BABAM2: variants seen among roughly 807,000 people sequenced by gnomAD.
BABAM2 encodes the protein BRISC and BRCA1-A complex member 2.
A neutral mutation model predicts 54.7 loss-of-function variants in BABAM2; 31 were observed. That is an observed-to-expected ratio of 0.57 (90% confidence interval 0.43 to 0.77). The LOEUF (loss-of-function observed/expected upper bound fraction) is 0.77, where lower values mean the gene tolerates loss of function less well. Ranked by LOEUF, BABAM2 falls within the 30% of genes least tolerant of loss-of-function variation. BABAM2 has a pLI of 0.00. For synonymous variants in BABAM2, 167 were observed against 162.9 expected, an observed-to-expected ratio of 1.03 and a Z score of -0.19; for missense variants, 364 against 455.8, an observed-to-expected ratio of 0.80 and a Z score of 1.83.
At chr2:28,076,913 A>G (rs1207759987) in intron 6 of BABAM2, among the ~76,000 whole-genome samples, 1 of 152,178 alleles carries the variant, frequency 6.6e-6, no homozygotes, top group Non-Finnish European at 1.5e-5. Context: ...TGCCTTATTC[A>G]TCTGTATATC....
Position 28,325,698 on chromosome 2 carries a change from T to G in BABAM2, c.1089-12752T>G, listed in dbSNP as rs750747690. Among the ~76,000 whole-genome samples the G allele has an allele frequency of 5.3e-5, 8 of 152,128 alleles. No homozygotes were observed. The highest frequency in any genetic ancestry group is 1.0e-4 in the Non-Finnish European group (7 of 68,018). ...GTGAAGAGAGGAGGGACCATGGCCA[T>G]CTTGCTGCCCCTCCCCCACATCCTC... On this transcript the variant is annotated intron_variant, in intron 11 of 11. Coordinates refer to ENST00000379624, the MANE Select transcript of BABAM2 (RefSeq NM_199191.3). The surrounding 1 kb of genome is among the most constrained non-coding windows in gnomAD (Gnocchi z 4.3).
chr2:27,960,605 T>C (rs1343211472), intron 3 of BABAM2, among the ~76,000 whole-genome samples: 6 of 152,200 alleles, frequency 3.9e-5, no homozygotes. Context: ...TACAGTCATA[T>C]AACATTTCGT....
chr2:28,331,819 A>G (rs1690982146), intron 11 of BABAM2, among the ~76,000 whole-genome samples: 2 of 152,258 alleles, frequency 1.3e-5, no homozygotes, highest in East Asian at 3.8e-4. Flanking sequence ...ATTACTGGGC[A>G]TATACCCAAA....
chr2:28,105,192 A>G (rs944368369), intron 6 of BABAM2, among the ~76,000 whole-genome samples: 2 of 152,198 alleles, frequency 1.3e-5, no homozygotes, highest in African/African-American at 2.4e-5. Context: ...GTATAATAAA[A>G]CATAATAATA....
chr2:28,111,858 T>G (rs1262889892), intron 6 of BABAM2, among the ~76,000 whole-genome samples: 1 of 152,152 alleles, frequency 6.6e-6, no homozygotes, highest in Admixed American at 6.5e-5. Flanking sequence ...TGCCTACTGT[T>G]CACAAGTTCA....
At chr2:28,249,498 CA>C in intron 10 of BABAM2, among the ~76,000 whole-genome samples, 1 of 152,288 alleles carries the variant, frequency 6.6e-6, no homozygotes, top group East Asian at 1.9e-4. Flanking sequence ...TTTGACCCTT[CA>C]CAGAAGTTTG....
chr2:28,241,527 C>T (rs1682431506), intron 9 of BABAM2, 134 bp downstream of exon 9: 5 of 782,018 alleles, frequency 6.4e-6, no homozygotes, highest in East Asian at 5.4e-5. Context: ...GACAGTCTCG[C>T]TCTGTCACCC....
intron 7 of BABAM2, among the ~76,000 whole-genome samples, chr2:28,194,024 CA>C: frequency 6.6e-6 from 1 of 152,040 alleles, no homozygotes; most frequent in Non-Finnish European, 1.5e-5. Flanking sequence ...TTTGGGGGGT[CA>C]GGGGAAGGAC....
At chr2:27,896,622 A>G (rs1336983997) in intron 2 of BABAM2, 3 of 153,978 alleles carry the variant, frequency 1.9e-5, no homozygotes, top group Non-Finnish European at 4.3e-5. Context: ...CATTCAGGCT[A>G]GTGGCTAGGG....
chr2:27,999,666 A>G (rs1673441242), intron 4 of BABAM2, among the ~76,000 whole-genome samples: 1 of 152,198 alleles, frequency 6.6e-6, no homozygotes, highest in Admixed American at 6.5e-5. Context: ...TTTGAGGATA[A>G]TATTTTTTTC....
intron 4 of BABAM2, among the ~76,000 whole-genome samples, chr2:28,005,196 T>G (rs1317863403): frequency 6.6e-6 from 1 of 152,212 alleles, no homozygotes; most frequent in Non-Finnish European, 1.5e-5. Flanking sequence ...GCTATAGATT[T>G]ATTTTATGTA....
intron 8 of BABAM2, among the ~76,000 whole-genome samples, chr2:28,238,016 A>G (rs1017235637): frequency 3.3e-5 from 5 of 152,016 alleles, no homozygotes; most frequent in Non-Finnish European, 5.9e-5. Flanking sequence ...GGCCTGGCTA[A>G]TTTTTATATT....
At chr2:28,166,455 G>A (rs1673686136) in intron 7 of BABAM2, among the ~76,000 whole-genome samples, 1 of 152,070 alleles carries the variant, frequency 6.6e-6, no homozygotes, top group Admixed American at 6.6e-5. Context: ...GTAGGGGGAG[G>A]GGTGGATGCC....
At chr2:28,196,213 G>T (rs989431847) in intron 7 of BABAM2, among the ~76,000 whole-genome samples, 16 of 151,972 alleles carry the variant, frequency 1.1e-4, no homozygotes, top group Admixed American at 5.9e-4. Context: ...TGTAGTCCCA[G>T]CTACTCGGGA....
At chr2:27,933,986 G>A (rs1321294817) in intron 3 of BABAM2, among the ~76,000 whole-genome samples, 1 of 151,838 alleles carries the variant, frequency 6.6e-6, no homozygotes, top group Non-Finnish European at 1.5e-5. Flanking sequence ...GATATAAAAG[G>A]GCATAGTATT....
At chr2:27,942,405 G>C (rs1210433423) in intron 3 of BABAM2, among the ~76,000 whole-genome samples, 2 of 151,978 alleles carry the variant, frequency 1.3e-5, no homozygotes, top group African/African-American at 4.8e-5. Flanking sequence ...ATGTCACCCA[G>C]CCTGGAGCAC....
intron 5 of BABAM2, among the ~76,000 whole-genome samples, chr2:28,038,010 C>G (rs2148594244): frequency 6.6e-6 from 1 of 152,282 alleles, no homozygotes; most frequent in Non-Finnish European, 1.5e-5. Flanking sequence ...CAAAATAACA[C>G]ATTTCCAAAT....
rs570359738 is a variant in BABAM2, at chr2:28,305,769, G to A, written c.1088+7278G>A. The stretch of plus-strand genomic sequence containing the variant: ...GAAATTGATCCATCATGTCTAAGTT[G>A]TCAAAGTGATTGGCAATACATTGTT... On this transcript the variant is annotated intron_variant, in intron 11 of 11. Transcript: ENST00000379624. Among the ~76,000 whole-genome samples, 103 of 152,254 alleles carry A rather than the reference G, an allele frequency of 6.8e-4. 1 individual carries two copies. The highest frequency in any genetic ancestry group is 2.0e-3 in the African/African-American group (82 of 41,572).
rs553071298 is a variant in BABAM2 at position 28,056,902 on chromosome 2, G to A, written c.570+11103G>A. Among the ~76,000 whole-genome samples, 62 of 152,188 alleles carry A rather than the reference G, an allele frequency of 4.1e-4. 1 individual carries two copies. Among genetic ancestry groups the A allele is most frequent in the Non-Finnish European group, 8.4e-4 (57 of 68,046 alleles). On this transcript the variant is annotated intron_variant, in intron 6 of 11. Coordinates refer to ENST00000379624, the MANE Select transcript of BABAM2 (RefSeq NM_199191.3). ...AATTACTTTGGTTTTTGTCAGTGCT[G>A]TGCTTACAAAGTTGTGCAGGCCTTA...
Sources: gnomAD v4.1 joint callset for allele counts (sites outside exome capture counted in the v4.1 genomes callset) on GRCh38, gnomAD v4.1.1 for gene constraint, Gnocchi (gnomAD v3.1) non-coding constraint, MANE v1.5 for transcripts, NCBI Gene and HGNC (gene_info 2026-07-23, HGNC 2026-07-21) for gene names.